The following TBXAS1 variants were observed in gnomAD, a reference collection of about 807,000 sequenced individuals.
TBXAS1 encodes the protein thromboxane A synthase 1, also known as thromboxane-A synthase.
Under a neutral mutation model 60.7 loss-of-function variants are expected in TBXAS1, and 48 were observed. The observed-to-expected ratio is 0.79, with a 90% CI of 0.63 to 1.01. TBXAS1 has a LOEUF of 1.01. Among genes scored for constraint, TBXAS1 ranks in the 50% least tolerant of loss-of-function variants. The pLI is 0.00. For missense variants in TBXAS1, 685 were observed against 686.3 expected (o/e 1.00, Z 0.02); for synonymous variants, 287 against 269.7 (o/e 1.06, Z -0.63).
At chr7:139,856,891 G>C (rs1215519653) in intron 1 of TBXAS1, among the ~76,000 whole-genome samples, 1 of 152,178 alleles carries the variant, frequency 6.6e-6, no homozygotes, top group East Asian at 1.9e-4. Flanking sequence ...AACATCAGAC[G>C]CTTTCAGGGC....
chr7:139,820,279 A>G (rs1252427273), intron 4 of TBXAS1, among the ~76,000 whole-genome samples: 3 of 152,160 alleles, frequency 2.0e-5, no homozygotes. Flanking sequence ...GAGATTTGAC[A>G]ACATCTCAGG....
intron 3 of TBXAS1, among the ~76,000 whole-genome samples, chr7:139,895,423 G>C (rs1004834980): frequency 3.3e-5 from 5 of 152,202 alleles, no homozygotes; most frequent in Non-Finnish European, 7.4e-5. Flanking sequence ...ATGTTTACTA[G>C]GGATCAGTGA....
chr7:139,825,895 G>A (rs149096183), upstream of TBXAS1, among the ~76,000 whole-genome samples: 179 of 152,278 alleles, frequency 1.2e-3, no homozygotes, highest in African/African-American at 3.9e-3. Flanking sequence ...TCTCTGCATC[G>A]TGCTCTTGGA....
intron 4 of TBXAS1, among the ~76,000 whole-genome samples, chr7:139,806,883 C>T (rs1166741457): frequency 1.3e-5 from 2 of 152,348 alleles, no homozygotes; most frequent in East Asian, 3.9e-4. Flanking sequence ...TGTGTGGTCC[C>T]TGGCCTCAGC....
upstream of TBXAS1, among the ~76,000 whole-genome samples, chr7:139,828,857 C>A (rs1798527370): frequency 6.6e-6 from 1 of 152,186 alleles, no homozygotes; most frequent in Non-Finnish European, 1.5e-5. Context: ...AAGCAGCCAG[C>A]ATTTTGATCA....
rs866472798 is a variant in TBXAS1 at position 139,911,378 on chromosome 7, A to G, written c.333+57A>G. The G allele has an allele frequency of 1.1e-5, 16 of 1,453,412 alleles. No individual in the cohort carries two copies. The African/African-American group carries it at 2.1e-4, about 19-fold the overall frequency. 90.0% of individuals were successfully genotyped at this position (1,453,412 alleles called of 1,614,324 possible). Reference sequence around the variant, plus strand: ...TGGGGAATTGTTCTCAGATGGAGACACTGCATGTCAGATCCAATGGGGATG... The same window carrying G: ...TGGGGAATTGTTCTCAGATGGAGACGCTGCATGTCAGATCCAATGGGGATG... On this transcript the variant is annotated intron_variant, in intron 4 of 12. Coordinates refer to ENST00000448866, the MANE Select transcript of TBXAS1 (RefSeq NM_001061.7).
chr7:139,902,124 A>G (rs2116996999), intron 3 of TBXAS1, among the ~76,000 whole-genome samples: 1 of 151,582 alleles, frequency 6.6e-6, no homozygotes, highest in Non-Finnish European at 1.5e-5. Flanking sequence ...CCAGGTTTAT[A>G]TGCACTCGTG....
At chr7:139,952,503 T>C in intron 5 of TBXAS1, 1 of 1,525,766 alleles carries the variant, frequency 6.6e-7, no homozygotes, top group Non-Finnish European at 8.8e-7. Flanking sequence ...GCTGTGATGC[T>C]ATTCTAGAAT....
intron 5 of TBXAS1, among the ~76,000 whole-genome samples, chr7:139,951,950 A>AAGAAAG (rs1554496760): frequency 9.5e-5 from 4 of 42,008 alleles, no homozygotes; most frequent in African/African-American, 9.1e-5. Context: ...GGAAAGAAAG[A>AAGAAAG]AAAGAAAGAA....
intron 5 of TBXAS1, among the ~76,000 whole-genome samples, chr7:139,945,784 G>T (rs1808656214): frequency 6.6e-6 from 1 of 152,178 alleles, no homozygotes; most frequent in African/African-American, 2.4e-5. Flanking sequence ...GAGTGCAAAG[G>T]CTGAGTCCAG....
chr7:139,787,648 G>A (rs776558792), intron 4 of TBXAS1, among the ~76,000 whole-genome samples: 1 of 152,168 alleles, frequency 6.6e-6, no homozygotes, highest in Non-Finnish European at 1.5e-5. Flanking sequence ...AGAGCAAGCA[G>A]TAGAAACTCA....
intron 8 of TBXAS1, 137 bp from the exon 9 acceptor site, chr7:139,961,782 C>T (rs933382711): frequency 9.2e-7 from 1 of 1,081,204 alleles, no homozygotes; most frequent in South Asian, 1.4e-5. Flanking sequence ...TCCCAGATAA[C>T]CCAGCAATGA....
At chr7:139,985,668 A>G (rs1812399590) in intron 9 of TBXAS1, among the ~76,000 whole-genome samples, 1 of 152,178 alleles carries the variant, frequency 6.6e-6, no homozygotes, top group Non-Finnish European at 1.5e-5. Flanking sequence ...CACATCTTCA[A>G]AACTCAGCAC....
intron 1 of TBXAS1, among the ~76,000 whole-genome samples, chr7:139,855,509 G>A (rs1016732210): frequency 6.6e-6 from 1 of 152,052 alleles, no homozygotes; most frequent in Non-Finnish European, 1.5e-5. Context: ...AGGCTGGGGA[G>A]GCTTGGGCTG....
At chr7:139,973,131 G>A (rs1241822935) in intron 9 of TBXAS1, among the ~76,000 whole-genome samples, 3 of 152,136 alleles carry the variant, frequency 2.0e-5, no homozygotes, top group Middle Eastern at 3.2e-3. Context: ...AAGAAAAGGA[G>A]GGAGCCTCAG....
At chr7:139,967,589 C>T (rs1159343847) in intron 9 of TBXAS1, among the ~76,000 whole-genome samples, 3 of 152,214 alleles carry the variant, frequency 2.0e-5, no homozygotes, top group African/African-American at 7.2e-5. Flanking sequence ...GCACCTGCCC[C>T]CTCAACCAAT....
chr7:139,921,095 A>T (rs1351444668), intron 4 of TBXAS1, among the ~76,000 whole-genome samples: 2 of 152,210 alleles, frequency 1.3e-5, no homozygotes, highest in African/African-American at 2.4e-5. Flanking sequence ...GTATTTTTTT[A>T]AATTGAAGTC....
At chr7:139,940,553 C>T (rs1438003889) in intron 5 of TBXAS1, among the ~76,000 whole-genome samples, 1 of 152,092 alleles carries the variant, frequency 6.6e-6, no homozygotes, top group Admixed American at 6.6e-5. Flanking sequence ...GTGAGTGTTC[C>T]TGTTGGTCCC....
chr7:139,805,734 CTTTCTT>C (rs1797855021), intron 4 of TBXAS1, among the ~76,000 whole-genome samples: 2 of 114,174 alleles, frequency 1.8e-5, no homozygotes, highest in African/African-American at 7.5e-5. Flanking sequence ...CTCTCTCTTT[CTTTCTT>C]TCTTTCTTTC....
Sources: gnomAD v4.1 joint callset for allele counts (sites outside exome capture counted in the v4.1 genomes callset) on GRCh38, gnomAD v4.1.1 for gene constraint, MANE v1.5 for transcripts, NCBI Gene and HGNC (gene_info 2026-07-23, HGNC 2026-07-21) for gene names.